INPP5A: variants seen among roughly 807,000 people sequenced by gnomAD.
INPP5A encodes the protein inositol polyphosphate-5-phosphatase A.
INPP5A carries 14 observed loss-of-function variants against 65.2 expected under a neutral mutation model. That is an observed-to-expected ratio of 0.21 (90% CI 0.14 to 0.34). INPP5A has a LOEUF of 0.34. Among genes scored for constraint, INPP5A ranks in the 10% least tolerant of loss-of-function variants. The probability of loss-of-function intolerance (pLI) is 1.00; values close to 1 mark genes in which losing one functional copy is unlikely to be tolerated. For missense variants in INPP5A, 431 were observed against 545.6 expected, an observed-to-expected ratio of 0.79 and a Z score of 2.09; for synonymous variants, 207 against 208.3, an observed-to-expected ratio of 0.99 and a Z score of 0.05.
rs201857546 is a variant in INPP5A at position 132,677,105 on chromosome 10, A to G, written c.307-13287A>G. On this transcript the variant is annotated intron_variant, in intron 4 of 15. Transcript: ENST00000368594. ...AGGTATTCACATGGTGACCCCCACC[A>G]TCACCCAGGCACCTGTCCTGAACTG... Among the ~76,000 whole-genome samples the G allele has an allele frequency of 3.0e-3, 415 of 139,514 alleles. 3 individuals carry two copies. The highest frequency in any genetic ancestry group is 7.5e-3 in the Middle Eastern group (2 of 266). 91.5% of individuals were successfully genotyped at this position (139,514 alleles called of 152,430 possible).
At chr10:132,629,548 C>T (rs532825260) in intron 2 of INPP5A, among the ~76,000 whole-genome samples, 2 of 152,374 alleles carry the variant, frequency 1.3e-5, no homozygotes, top group East Asian at 1.9e-4. Flanking sequence ...TCTGTGTCCC[C>T]TCTTTTTCTG....
At chr10:132,703,344 G>A (rs1166909904) in intron 6 of INPP5A, among the ~76,000 whole-genome samples, 1 of 151,990 alleles carries the variant, frequency 6.6e-6, no homozygotes, top group Non-Finnish European at 1.5e-5. Flanking sequence ...TTTCTCACCC[G>A]CCAGCCGCAG....
intron 1 of INPP5A, among the ~76,000 whole-genome samples, chr10:132,601,152 C>T (rs2071771932): frequency 6.6e-6 from 1 of 152,214 alleles, no homozygotes; most frequent in Admixed American, 6.5e-5. Context: ...ATTATTTTCT[C>T]TTTTCAATTT....
chr10:132,697,699 C>A lies in INPP5A; in HGVS notation c.371-117C>A, dbSNP rs1299265277. ...CGGACCCCTCATCAGGGCCTCCTCT[C>A]GGGGGGCCTCTCTGGCTCCCATCGG... On this transcript the variant is annotated intron_variant, in intron 5 of 15. Coordinates refer to ENST00000368594, the MANE Select transcript of INPP5A (RefSeq NM_005539.5). The surrounding 1 kb of genome is among the most constrained non-coding windows in gnomAD (Gnocchi z 5.6). 2 of 706,538 alleles carry A rather than the reference C, an allele frequency of 2.8e-6. No homozygotes were observed. Among genetic ancestry groups the A allele is most frequent in the Non-Finnish European group, 5.0e-6 (2 of 400,940 alleles). 43.8% of individuals were successfully genotyped at this position (706,538 alleles called of 1,614,324 possible).
At position 132,637,550 on chromosome 10, in the gene INPP5A, T is replaced by C. The variant is rs2072373232; in HGVS notation, c.118-8318T>C. ...CCACGGTCACTTCTTTCTCTCACGC[T>C]GTTTTCTCTGTGCGATTTTGCTTTC... On this transcript the variant is annotated intron_variant, in intron 2 of 15. Coordinates refer to ENST00000368594, the MANE Select transcript of INPP5A (RefSeq NM_005539.5). This position sits in a 1 kb window ranked among gnomAD's most constrained non-coding sequence, Gnocchi z 4.1. Among the ~76,000 whole-genome samples the C allele has an allele frequency of 6.6e-6, 1 of 152,226 alleles. No homozygotes were observed. Among genetic ancestry groups the C allele is most frequent in the African/African-American group, 2.4e-5 (1 of 41,462 alleles).
In INPP5A at chr10:132,724,724, A is replaced by G. The variant is rs543219286; in HGVS notation, c.648-2097A>G. On this transcript the variant is annotated intron_variant, in intron 8 of 15. Coordinates refer to ENST00000368594, the MANE Select transcript of INPP5A (RefSeq NM_005539.5). ...CGCAGATGGGGGTTACTCACTCTCC[A>G]TAACTCACAGGGAGGCCCCAGGATG... Among the ~76,000 whole-genome samples, 4 of 145,982 alleles carry G rather than the reference A, an allele frequency of 2.7e-5. No homozygotes were observed. In the East Asian group the frequency reaches 8.2e-4, roughly 30 times the overall value.
In INPP5A at chr10:132,753,080, C is replaced by T. The variant is rs1309318897; in HGVS notation, c.903+3235C>T. ...AGAGCCGATGCCTCGGCGTTCCTGTCCTGCTACTCAGATCCTCTCTGTTTG... is the reference window on the plus strand; with the variant it reads ...AGAGCCGATGCCTCGGCGTTCCTGTTCTGCTACTCAGATCCTCTCTGTTTG... On this transcript the variant is annotated intron_variant, in intron 11 of 15. Transcript: ENST00000368594. The surrounding 1 kb of genome is among the most constrained non-coding windows in gnomAD (Gnocchi z 5.3). 6.6e-6 allele frequency among the ~76,000 whole-genome samples: 1 copy of T among 152,140 alleles called. No homozygotes were observed. The highest frequency in any genetic ancestry group is 1.5e-5 in the Non-Finnish European group (1 of 68,008).
At chr10:132,643,778 C>T (rs959369524) in intron 2 of INPP5A, among the ~76,000 whole-genome samples, 15 of 152,168 alleles carry the variant, frequency 9.9e-5, no homozygotes, top group African/African-American at 2.2e-4. Context: ...GTGCCCAGCC[C>T]TGCGCCACTA....
At position 132,587,793 on chromosome 10, in the gene INPP5A, C is replaced by A. The variant is rs1041002451; in HGVS notation, c.76-20122C>A. 6.6e-6 allele frequency among the ~76,000 whole-genome samples: 1 copy of A among 152,050 alleles called. No homozygotes were observed. Among genetic ancestry groups the A allele is most frequent in the African/African-American group, 2.4e-5 (1 of 41,406 alleles). ...GGCCGAGGCGAGGCGGGCAGATTATCTGAGGCCAGGAATTCGTGACTAGCC... is the reference window on the plus strand; with the variant it reads ...GGCCGAGGCGAGGCGGGCAGATTATATGAGGCCAGGAATTCGTGACTAGCC... On this transcript the variant is annotated intron_variant, in intron 1 of 15. Transcript: ENST00000368594. This position sits in a 1 kb window ranked among gnomAD's most constrained non-coding sequence, Gnocchi z 4.3.
intron 2 of INPP5A, among the ~76,000 whole-genome samples, chr10:132,640,473 G>A (rs1437722807): frequency 6.6e-6 from 1 of 152,254 alleles, no homozygotes; most frequent in African/African-American, 2.4e-5. Context: ...GGATTTGTAG[G>A]GTCCACATTC....
intron 1 of INPP5A, among the ~76,000 whole-genome samples, chr10:132,565,043 G>T (rs2071255882): frequency 6.6e-6 from 1 of 152,206 alleles, no homozygotes; most frequent in Non-Finnish European, 1.5e-5. Flanking sequence ...AGTTTGGAAT[G>T]TCCCTGCGTA....
At chr10:132,610,208 A>G (rs2071924286) in intron 2 of INPP5A, among the ~76,000 whole-genome samples, 1 of 152,182 alleles carries the variant, frequency 6.6e-6, no homozygotes, top group Non-Finnish European at 1.5e-5. Flanking sequence ...ATGGAGGGGC[A>G]CGTGAGCCCC....
chr10:132,763,630 CAT>C (rs1463358477), intron 11 of INPP5A, among the ~76,000 whole-genome samples: 2 of 150,938 alleles, frequency 1.3e-5, no homozygotes, highest in Admixed American at 6.6e-5. Context: ...CCTGTGCACA[CAT>C]AAACATGCCT....
At chr10:132,596,262 A>G (rs1012920371) in intron 1 of INPP5A, among the ~76,000 whole-genome samples, 3 of 152,200 alleles carry the variant, frequency 2.0e-5, no homozygotes, top group African/African-American at 7.2e-5. Context: ...ATGGCCCAGT[A>G]AAGACCAGTT....
chr10:132,657,073 A>G (rs1266079206), intron 4 of INPP5A, among the ~76,000 whole-genome samples: 2 of 152,200 alleles, frequency 1.3e-5, no homozygotes, highest in Non-Finnish European at 2.9e-5. Context: ...CTCCGTGTGG[A>G]GTAGCCCCAG....
intron 1 of INPP5A, among the ~76,000 whole-genome samples, chr10:132,593,996 T>C (rs1361379379): frequency 6.6e-6 from 1 of 152,224 alleles, no homozygotes; most frequent in Non-Finnish European, 1.5e-5. Context: ...CATGTCTGTA[T>C]GTATAGAATA....
At chr10:132,742,361 A>G (rs1486380934) in intron 9 of INPP5A, among the ~76,000 whole-genome samples, 2 of 152,186 alleles carry the variant, frequency 1.3e-5, no homozygotes, top group Non-Finnish European at 2.9e-5. Context: ...AGGCGACACC[A>G]CGCCTTGTCC....
At chr10:132,765,419 T>C (rs1846824566) in intron 11 of INPP5A, among the ~76,000 whole-genome samples, 1 of 152,222 alleles carries the variant, frequency 6.6e-6, no homozygotes, top group South Asian at 2.1e-4. Flanking sequence ...AGGAGCTGTG[T>C]TCCCTCTGCT....
At chr10:132,755,788 C>A (rs1445504638) in intron 11 of INPP5A, among the ~76,000 whole-genome samples, 1 of 152,046 alleles carries the variant, frequency 6.6e-6, no homozygotes, top group Non-Finnish European at 1.5e-5. Context: ...CAGGTGCTGA[C>A]CCCAGAGGAG....
Sources: gnomAD v4.1 joint callset for allele counts (sites outside exome capture counted in the v4.1 genomes callset) on GRCh38, gnomAD v4.1.1 for gene constraint, Gnocchi (gnomAD v3.1) non-coding constraint, MANE v1.5 for transcripts, NCBI Gene and HGNC (gene_info 2026-07-23, HGNC 2026-07-21) for gene names.